DNAH6: variants seen among roughly 807,000 people sequenced by gnomAD.
DNAH6 encodes the protein axonemal beta dynein heavy chain 6.
DNAH6 carries 340 observed loss-of-function variants against 491.4 expected under a neutral mutation model. The observed-to-expected ratio is 0.69, with a 90% CI of 0.63 to 0.76. The LOEUF (loss-of-function observed/expected upper bound fraction) is 0.76, where lower values mean the gene tolerates loss of function less well. Among genes scored for constraint, DNAH6 ranks in the 30% least tolerant of loss-of-function variants. The probability of loss-of-function intolerance (pLI) is 0.00; values close to 1 mark genes in which losing one functional copy is unlikely to be tolerated. For synonymous variants in DNAH6, 1,603 were observed against 1,686.1 expected, an observed-to-expected ratio of 0.95 and a Z score of 1.21; for missense variants, 4,443 against 4,972.2, an observed-to-expected ratio of 0.89 and a Z score of 3.20.
At position 84,805,748 on chromosome 2, in the gene DNAH6, C is replaced by T. The variant is rs529697769; in HGVS notation, c.11565C>T (p.Asp3855=). The part of the protein sequence containing the change: ...SSTGGEGKSN[D]EIVQELVASV... ...CTGGTGGAGAGGGAAAAAGCAATGACGAAATTGTTCAAGAACTTGTTGCTT... is the reference window on the plus strand; with the variant it reads ...CTGGTGGAGAGGGAAAAAGCAATGATGAAATTGTTCAAGAACTTGTTGCTT... The change falls in exon 71 of 77, where the codon GAC becomes GAT. Residue 3855 remains aspartate (D), a synonymous_variant. Coordinates refer to ENST00000389394, the MANE Select transcript of DNAH6 (RefSeq NM_001370.2). The T allele has an allele frequency of 1.9e-5, 30 of 1,551,470 alleles. No individual in the cohort carries two copies. The East Asian group carries it at 3.7e-4, about 19-fold the overall frequency.
At chr2:84,792,674 A>C (rs545303660) in intron 68 of DNAH6, among the ~76,000 whole-genome samples, 1 of 152,350 alleles carries the variant, frequency 6.6e-6, no homozygotes, top group African/African-American at 2.4e-5. Context: ...ACACTAAAAA[A>C]GGTAAGCCGG....
intron 62 of DNAH6, among the ~76,000 whole-genome samples, chr2:84,737,657 C>T (rs978432944): frequency 4.0e-5 from 6 of 151,710 alleles, no homozygotes; most frequent in Non-Finnish European, 5.9e-5. Context: ...CTTTATATTT[C>T]GGGGGGATCA....
rs142980442 is a variant in DNAH6, at chr2:84,555,126, T to C, written c.1602+2092T>C. On this transcript the variant is annotated intron_variant, in intron 10 of 76. Coordinates refer to ENST00000389394, the MANE Select transcript of DNAH6 (RefSeq NM_001370.2). ...ATTTTTTCGCTATTATTTTAGTCAT[T>C]AGCCTTAATCATTCCCAATGATTCC... 3.4e-4 allele frequency among the ~76,000 whole-genome samples: 52 copies of C among 152,358 alleles called. No individual in the cohort carries two copies. The East Asian group carries it at 4.8e-3, about 14-fold the overall frequency.
At chr2:84,699,809 A>T (rs1051743440) in intron 48 of DNAH6, 75 bp downstream of exon 48, 18 of 1,428,708 alleles carry the variant, frequency 1.3e-5, no homozygotes, top group Non-Finnish European at 1.7e-5. Context: ...ATTGTCCAAG[A>T]GTAACTCATG....
At chr2:84,799,321 C>T (rs1030529574) in intron 70 of DNAH6, among the ~76,000 whole-genome samples, 1 of 152,198 alleles carries the variant, frequency 6.6e-6, no homozygotes, top group Non-Finnish European at 1.5e-5. Flanking sequence ...CATGGCCTAA[C>T]AGCCACCACT....
Position 84,557,878 on chromosome 2 carries a change from T to C in DNAH6, c.1746T>C (p.Ser582=). ...GAAAAACCTGTGGAACTGGGCCAAG[T>C]TTAGCAGCAGTATTTGAGGATGATA... ...LEGKTCGTGP[S]LAAVFEDDKN... is the part of the protein sequence containing the mutation. The change falls in exon 11 of 77, where the codon AGT becomes AGC. Residue 582 remains serine (S), a synonymous_variant. Transcript: ENST00000389394. 6.2e-7 allele frequency: 1 copy of C among 1,612,612 alleles called. No individual in the cohort carries two copies. Among genetic ancestry groups the C allele is most frequent in the Non-Finnish European group, 8.5e-7 (1 of 1,179,132 alleles).
chr2:84,782,840 A>G (rs370207686), intron 65 of DNAH6, among the ~76,000 whole-genome samples: 152 of 152,312 alleles, frequency 1.0e-3, no homozygotes, highest in African/African-American at 3.5e-3. Flanking sequence ...CAAAAAAGCA[A>G]TTTACTGTGG....
rs372560861 is a variant in DNAH6, at chr2:84,701,062, A to G, written c.7819-35A>G. 7 of 1,542,764 alleles carry G rather than the reference A, an allele frequency of 4.5e-6. No homozygotes were observed. In the African/African-American group the frequency reaches 6.9e-5, roughly 15 times the overall value. On this transcript the variant is annotated intron_variant, in intron 48 of 76. Transcript: ENST00000389394. The stretch of plus-strand genomic sequence containing the variant: ...TTAAACTGTATGTTATTGAAATGAC[A>G]CAACAGATTTTCTAGATTTTTCCTT...
intron 11 of DNAH6, among the ~76,000 whole-genome samples, chr2:84,571,698 G>A (rs1209953134): frequency 6.6e-6 from 1 of 151,766 alleles, no homozygotes; most frequent in African/African-American, 2.4e-5. Context: ...CGGATCACAA[G>A]GTCAGGAGTT....
chr2:84,784,234 C>T (rs574098805), intron 65 of DNAH6, among the ~76,000 whole-genome samples: 5 of 152,304 alleles, frequency 3.3e-5, no homozygotes, highest in Non-Finnish European at 5.9e-5. Flanking sequence ...GCTAATGCCA[C>T]ACATGAGGTC....
chr2:84,677,194 G>T, intron 41 of DNAH6, 58 bp downstream of exon 41: 8 of 1,545,986 alleles, frequency 5.2e-6, no homozygotes, highest in Non-Finnish European at 6.1e-6. Context: ...TTGTTCCAAG[G>T]CTCCCACAAT....
intron 11 of DNAH6, 109 bp from the exon 12 acceptor site, chr2:84,573,358 A>G: frequency 2.3e-6 from 2 of 852,614 alleles, no homozygotes; most frequent in Non-Finnish European, 3.6e-6. Flanking sequence ...AAAACATACT[A>G]TTGGGCATAG....
At chr2:84,586,149 C>G (rs560685310) in intron 15 of DNAH6, among the ~76,000 whole-genome samples, 1 of 152,220 alleles carries the variant, frequency 6.6e-6, no homozygotes, top group Non-Finnish European at 1.5e-5. Context: ...CACTTCCAAG[C>G]CTGAGAGGGC....
intron 4 of DNAH6, among the ~76,000 whole-genome samples, chr2:84,543,061 A>G (rs1006534288): frequency 5.9e-5 from 9 of 152,320 alleles, no homozygotes; most frequent in African/African-American, 2.2e-4. Flanking sequence ...CCAGAGGCTG[A>G]GGCAGGAGAA....
chr2:84,550,962 A>C (rs949518666), intron 9 of DNAH6, among the ~76,000 whole-genome samples: 4 of 152,228 alleles, frequency 2.6e-5, no homozygotes, highest in African/African-American at 7.2e-5. Flanking sequence ...AAATTCGTGC[A>C]TTCCAGCATA....
chr2:84,713,706 G>A (rs1697265100), intron 57 of DNAH6, among the ~76,000 whole-genome samples: 1 of 152,208 alleles, frequency 6.6e-6, no homozygotes, highest in Non-Finnish European at 1.5e-5. Flanking sequence ...TGGGGTTGGG[G>A]GGAGGAGGAG....
chr2:84,724,075 C>T (rs1368553456), intron 60 of DNAH6, among the ~76,000 whole-genome samples: 1 of 152,182 alleles, frequency 6.6e-6, no homozygotes, highest in Non-Finnish European at 1.5e-5. Context: ...GTTGGCAGTG[C>T]TGTCTCCTTT....
intron 45 of DNAH6, among the ~76,000 whole-genome samples, chr2:84,689,441 G>A (rs539015827): frequency 4.1e-4 from 63 of 152,180 alleles, no homozygotes; most frequent in Non-Finnish European, 7.6e-4. Flanking sequence ...TCAGACCGCC[G>A]CTGGAGTGCC....
chr2:84,517,933 TGA>T lies in DNAH6; in HGVS notation c.109_110del (p.Ser37LeufsTer8). 6.4e-7 allele frequency: 1 copy of T among 1,551,424 alleles called. No homozygotes were observed. Among genetic ancestry groups the T allele is most frequent in the Non-Finnish European group, 8.7e-7 (1 of 1,146,968 alleles). On this transcript the variant is annotated frameshift_variant, in exon 2 of 77. Coordinates refer to ENST00000389394, the MANE Select transcript of DNAH6 (RefSeq NM_001370.2). LOFTEE classifies it high-confidence loss of function. ...AATAATATAAAAGCCAAACAAAGAG[TGA>T]GTTATGTGACATCCACAGAAAATGA...
Sources: gnomAD v4.1 joint callset for allele counts (sites outside exome capture counted in the v4.1 genomes callset) on GRCh38, gnomAD v4.1.1 for gene constraint, MANE v1.5 for transcripts, NCBI Gene and HGNC (gene_info 2026-07-23, HGNC 2026-07-21) for gene names.